Variants in OR6B1 observed in about 807,000 individuals in gnomAD.
The protein encoded by OR6B1 is olfactory receptor family 6 subfamily B member 1, also known as olfactory receptor 6B1.
Under a neutral mutation model 15.4 loss-of-function variants are expected in OR6B1, and 15 were observed. The ratio of observed to expected loss-of-function variants is 0.97; its 90% CI spans 0.65 to 1.50. The LOEUF (loss-of-function observed/expected upper bound fraction) is 1.50, where lower values mean the gene tolerates loss of function less well. Ranked by LOEUF, OR6B1 falls within the 40% of genes most tolerant of loss-of-function variation. The probability of loss-of-function intolerance (pLI) is 0.00; values close to 1 mark genes in which losing one functional copy is unlikely to be tolerated. For synonymous variants in OR6B1, 139 were observed against 144.9 expected (o/e 0.96, Z 0.29); for missense variants, 384 against 385.0 (o/e 1.00, Z 0.02).
At chr7:144,002,522 G>T (rs1041395636) in intron 1 of OR6B1, among the ~76,000 whole-genome samples, 3 of 152,136 alleles carry the variant, frequency 2.0e-5, no homozygotes, top group Non-Finnish European at 2.9e-5. Flanking sequence ...TACTGTTAAA[G>T]ATTCTGCTTC....
rs2050627287 is a variant in OR6B1 at position 144,006,698 on chromosome 7, T to A, written c.*1766T>A. Reference sequence around the variant, plus strand: ...GTGTGCATTAAGAAAGGAAAAGACATGTTCAGTAGGGATTAGGAAATGAAA... The same window carrying A: ...GTGTGCATTAAGAAAGGAAAAGACAAGTTCAGTAGGGATTAGGAAATGAAA... On this transcript the variant is annotated 3_prime_UTR_variant, in exon 2 of 2. Coordinates refer to ENST00000641698, the MANE Select transcript of OR6B1 (RefSeq NM_001005281.3). 1 of 152,152 alleles carries A rather than the reference T, an allele frequency of 6.6e-6. No individual in the cohort carries two copies. 9.4% of individuals were successfully genotyped at this position (152,152 alleles called of 1,614,324 possible). A position where few individuals can be genotyped will look rare whatever the true frequency, so the allele number is the denominator to read the frequency against.
In OR6B1 at chr7:144,004,439, C is replaced by T. The variant is rs267601371; in HGVS notation, c.443C>T (p.Ser148Phe). ...CTCTGCTTCCGCCTCGCTCTTGGTT[C>T]CTGGGCCATTGGCTTTGGCATCTCC... The part of the protein sequence containing the change: ...HGLCFRLALG[S>F]WAIGFGISLA... The change falls in exon 2 of 2, where the codon TCC becomes TTC. Residue 148 changes from serine (S) to phenylalanine (F), a missense_variant. Transcript: ENST00000641698. 4.3e-6 allele frequency: 7 copies of T among 1,614,198 alleles called. No homozygotes were observed. In the Admixed American group the frequency reaches 1.2e-4, roughly 27 times the overall value.
Position 144,007,530 on chromosome 7 carries a change from T to C in OR6B1, c.*2598T>C, listed in dbSNP as rs2050632229. On this transcript the variant is annotated 3_prime_UTR_variant, in exon 2 of 2. Transcript: ENST00000641698. The stretch of plus-strand genomic sequence containing the variant: ...AATATAAATATATATTAATTACACA[T>C]GCAGTATATATTTTAAATCACTATA... 1.3e-5 allele frequency: 2 copies of C among 152,198 alleles called. No individual in the cohort carries two copies. The highest frequency in any genetic ancestry group is 2.1e-4 in the South Asian group (1 of 4,820). 9.4% of individuals were successfully genotyped at this position (152,198 alleles called of 1,614,324 possible).
chr7:144,001,540 C>T (rs2050584944), intron 1 of OR6B1, among the ~76,000 whole-genome samples: 1 of 152,228 alleles, frequency 6.6e-6, no homozygotes, highest in Non-Finnish European at 1.5e-5. Flanking sequence ...CTTGTCCCAT[C>T]CTAACCCATC....
rs1451196103 is a variant in OR6B1, at chr7:144,007,127, G to A, written c.*2195G>A. 1.3e-5 allele frequency: 2 copies of A among 152,146 alleles called. No homozygotes were observed. Among genetic ancestry groups the A allele is most frequent in the Admixed American group, 1.3e-4 (2 of 15,268 alleles). The allele number at this position is 152,146 out of a possible 1,614,324, so 9.4% of individuals were successfully genotyped here. ...TTATTTCTCATGAATATCTTGGAAA[G>A]GGAGAATGTAGAAGTAGGGTTTCTT... On this transcript the variant is annotated 3_prime_UTR_variant, in exon 2 of 2. Coordinates refer to ENST00000641698, the MANE Select transcript of OR6B1 (RefSeq NM_001005281.3).
At position 144,005,844 on chromosome 7, in the gene OR6B1, A is replaced by C. The variant is rs1586860608; in HGVS notation, c.*912A>C. The stretch of plus-strand genomic sequence containing the variant: ...GCCATAGTGATTCTCAACTTTCCTT[A>C]CCTATATATCTAACACCCTCTACAC... On this transcript the variant is annotated 3_prime_UTR_variant, in exon 2 of 2. Transcript: ENST00000641698. 1 of 152,168 alleles carries C rather than the reference A, an allele frequency of 6.6e-6. No homozygotes were observed. Among genetic ancestry groups the C allele is most frequent in the Admixed American group, 6.5e-5 (1 of 15,282 alleles). 9.4% of individuals were successfully genotyped at this position (152,168 alleles called of 1,614,324 possible). A position where few individuals can be genotyped will look rare whatever the true frequency, so the allele number is the denominator to read the frequency against.
chr7:144,004,155 G>A lies in OR6B1; in HGVS notation c.159G>A (p.Arg53=). Residue 53 remains arginine (R), a synonymous_variant, in exon 2 of 2, where the codon CGG becomes CGA. Transcript: ENST00000641698. ...VIIILLVLQN[R]PLHKPMYFFL... ...TCATCCTATTGGTGCTGCAAAATCG[G>A]CCACTGCACAAGCCTATGTACTTCT... The A allele has an allele frequency of 6.2e-7, 1 of 1,614,130 alleles. No homozygotes were observed. Among genetic ancestry groups the A allele is most frequent in the Non-Finnish European group, 8.5e-7 (1 of 1,180,026 alleles).
chr7:144,002,419 G>C (rs2116972940), intron 1 of OR6B1, among the ~76,000 whole-genome samples: 1 of 152,318 alleles, frequency 6.6e-6, no homozygotes, highest in Admixed American at 6.5e-5. Context: ...AACTACCTTA[G>C]TAAATGGCAT....
In OR6B1 at chr7:144,004,494, C is replaced by T. The variant is rs749628142; in HGVS notation, c.498C>T (p.Leu166=). ...CGAAGATCTACTTCATCTCCTGCCTCAGCTTCTGTGGTCCCAATGTCATCA... is the reference window on the plus strand; with the variant it reads ...CGAAGATCTACTTCATCTCCTGCCTTAGCTTCTGTGGTCCCAATGTCATCA... ...SLAKIYFISC[L]SFCGPNVINH... The change falls in exon 2 of 2, where the codon CTC becomes CTT. Residue 166 remains leucine, a synonymous_variant. Transcript: ENST00000641698. 3.7e-6 allele frequency: 6 copies of T among 1,614,208 alleles called. No individual in the cohort carries two copies. Among genetic ancestry groups the T allele is most frequent in the Non-Finnish European group, 5.1e-6 (6 of 1,180,046 alleles).
Position 144,007,466 on chromosome 7 carries a change from T to A in OR6B1, c.*2534T>A, listed in dbSNP as rs1008825272. 3.9e-5 allele frequency: 6 copies of A among 152,090 alleles called. No homozygotes were observed. The highest frequency in any genetic ancestry group is 1.3e-4 in the Admixed American group (2 of 15,258). The allele number at this position is 152,090 out of a possible 1,614,324, so 9.4% of individuals were successfully genotyped here. A position where few individuals can be genotyped will look rare whatever the true frequency, so the allele number is the denominator to read the frequency against. Reference sequence around the variant, plus strand: ...CAGAGAACATGCCCTGAAGATTTGATTATCACCATCCAAACTCATAAGGAA... The same window carrying A: ...CAGAGAACATGCCCTGAAGATTTGAATATCACCATCCAAACTCATAAGGAA... On this transcript the variant is annotated 3_prime_UTR_variant, in exon 2 of 2. Transcript: ENST00000641698.
rs766413477 is a variant in OR6B1, at chr7:144,003,773, T to TCACACACACACACACA, written c.-25-177_-25-162dup. On this transcript the variant is annotated intron_variant, in intron 1 of 1. Transcript: ENST00000641698. ...TTCTTCATCTTTAAAACAGATACAA[T>TCACACACACACACACA]CACACACACACACACACACACACAC... is the stretch of plus-strand genomic sequence containing the variant. 1.0e-3 allele frequency among the ~76,000 whole-genome samples: 145 copies of TCACACACACACACACA among 140,224 alleles called. 2 individuals are homozygous for TCACACACACACACACA. The highest frequency in any genetic ancestry group is 3.5e-3 in the African/African-American group (135 of 38,566). The allele number at this position is 140,224 out of a possible 152,430, so 92.0% of individuals were successfully genotyped here.
Position 144,006,371 on chromosome 7 carries a change from C to A in OR6B1, c.*1439C>A, listed in dbSNP as rs1211253053. ...TAGTTGGAATTATGAATTACTATAC[C>A]TGCAGAACAGTAATAAAATAAAAAT... On this transcript the variant is annotated 3_prime_UTR_variant, in exon 2 of 2. Coordinates refer to ENST00000641698, the MANE Select transcript of OR6B1 (RefSeq NM_001005281.3). The A allele has an allele frequency of 6.6e-6, 1 of 152,080 alleles. No individual in the cohort carries two copies. The highest frequency in any genetic ancestry group is 2.4e-5 in the African/African-American group (1 of 41,394). 9.4% of individuals were successfully genotyped at this position (152,080 alleles called of 1,614,324 possible). A position where few individuals can be genotyped will look rare whatever the true frequency, so the allele number is the denominator to read the frequency against.
chr7:144,004,114 G>T lies in OR6B1; in HGVS notation c.118G>T (p.Ala40Ser). 6.2e-7 allele frequency: 1 copy of T among 1,614,096 alleles called. No homozygotes were observed. ...CCTTGTGGCCTATATTCTGACAGTG[G>T]CTGAAAACGTGATCATCATCCTATT... ...IFLVAYILTV[A>S]ENVIIILLVL... Residue 40 changes from alanine to serine, a missense_variant, in exon 2 of 2, where the codon GCT becomes TCT. By Grantham distance (99) the Ala-to-Ser change is moderately conservative. Coordinates refer to ENST00000641698, the MANE Select transcript of OR6B1 (RefSeq NM_001005281.3).
rs543378834 is a variant in OR6B1, at chr7:144,007,232, T to C, written c.*2300T>C. 7.9e-5 allele frequency: 12 copies of C among 152,128 alleles called. No homozygotes were observed. Among genetic ancestry groups the C allele is most frequent in the Non-Finnish European group, 1.3e-4 (9 of 68,024 alleles). The allele number at this position is 152,128 out of a possible 1,614,324, so 9.4% of individuals were successfully genotyped here. ...CCCCTTTGTGGAAGGAATACCTAAG[T>C]GCACAGGCTCAGCAAAGTAAGGACA... On this transcript the variant is annotated 3_prime_UTR_variant, in exon 2 of 2. Transcript: ENST00000641698.
intron 1 of OR6B1, among the ~76,000 whole-genome samples, chr7:144,001,949 T>C (rs2050587103): frequency 1.3e-5 from 2 of 152,258 alleles, no homozygotes; most frequent in South Asian, 2.1e-4. Flanking sequence ...TGATTGAATA[T>C]GTACTTGTAT....
At position 144,004,651 on chromosome 7, in the gene OR6B1, G is replaced by A. The variant is rs758827380; in HGVS notation, c.655G>A (p.Gly219Arg). 22 of 1,614,038 alleles carry A rather than the reference G, an allele frequency of 1.4e-5. 1 individual carries two copies. The East Asian group carries it at 1.6e-4, about 11-fold the overall frequency. ...FPLFITVLSY[G>R]CILATILCMP... is the part of the protein sequence containing the mutation. The stretch of plus-strand genomic sequence containing the variant: ...ACTCTTTATTACTGTCCTGTCCTAC[G>A]GATGCATTCTGGCCACCATATTATG... The change falls in exon 2 of 2, where the codon GGA (glycine) becomes AGA (arginine). Residue 219 changes from glycine (G) to arginine (R), a missense_variant. Gly to Arg is a moderately radical substitution (Grantham distance 125). Transcript: ENST00000641698.
rs1289979287 is a variant in OR6B1, at chr7:144,004,297, C to G, written c.301C>G (p.Leu101Val). ...SISFTLCMIQLYFFIALMCTE... is the reference protein window; with the variant it reads ...SISFTLCMIQVYFFIALMCTE... Reference sequence around the variant, plus strand: ...CTCTTTCACACTCTGTATGATACAACTGTACTTCTTCATTGCTCTCATGTG... The same window carrying G: ...CTCTTTCACACTCTGTATGATACAAGTGTACTTCTTCATTGCTCTCATGTG... Residue 101 changes from leucine (L) to valine (V), a missense_variant, in exon 2 of 2, where the codon CTG becomes GTG. Physicochemically the swap from Leu to Val is conservative, Grantham distance 32. Coordinates refer to ENST00000641698, the MANE Select transcript of OR6B1 (RefSeq NM_001005281.3). The G allele has an allele frequency of 6.2e-7, 1 of 1,614,220 alleles. No homozygotes were observed. Among genetic ancestry groups the G allele is most frequent in the South Asian group, 1.1e-5 (1 of 91,082 alleles).
rs1214057914 is a variant in OR6B1 at position 144,008,493 on chromosome 7, GT to G, written c.*3564del. 1.3e-5 allele frequency: 2 copies of G among 152,130 alleles called. No individual in the cohort carries two copies. Among genetic ancestry groups the G allele is most frequent in the Admixed American group, 6.6e-5 (1 of 15,264 alleles). The allele number at this position is 152,130 out of a possible 1,614,324, so 9.4% of individuals were successfully genotyped here. ...TAAGCAGGTGATATGGTCTGGCTCTGTTTCCCTACCCAAATCTCATCTTGAT... is the reference window on the plus strand; with the variant it reads ...TAAGCAGGTGATATGGTCTGGCTCTGTTCCCTACCCAAATCTCATCTTGAT... On this transcript the variant is annotated 3_prime_UTR_variant, in exon 2 of 2. Transcript: ENST00000641698.
rs2116978052 is a variant in OR6B1 at position 144,006,847 on chromosome 7, T to G, written c.*1915T>G. On this transcript the variant is annotated 3_prime_UTR_variant, in exon 2 of 2. Coordinates refer to ENST00000641698, the MANE Select transcript of OR6B1 (RefSeq NM_001005281.3). ...TTTATGTGTAAAACAGGAGTAATAA[T>G]AGTTGCTTGGTGTTTCTTACGCAAT... 6.6e-6 allele frequency: 1 copy of G among 152,306 alleles called. No homozygotes were observed. Among genetic ancestry groups the G allele is most frequent in the East Asian group, 1.9e-4 (1 of 5,186 alleles). 9.4% of individuals were successfully genotyped at this position (152,306 alleles called of 1,614,324 possible). A position where few individuals can be genotyped will look rare whatever the true frequency, so the allele number is the denominator to read the frequency against.
Sources: gnomAD v4.1 joint callset for allele counts (sites outside exome capture counted in the v4.1 genomes callset) on GRCh38, gnomAD v4.1.1 for gene constraint, MANE v1.5 for transcripts, NCBI Gene and HGNC (gene_info 2026-07-23, HGNC 2026-07-21) for gene names.